Variants in ACOXL observed in about 807,000 individuals in gnomAD.
ACOXL encodes the protein acyl-coenzyme A oxidase-like protein.
ACOXL carries 70 observed loss-of-function variants against 71.9 expected under a neutral mutation model. The observed-to-expected ratio is 0.97, with a 90% CI of 0.80 to 1.19. The LOEUF is 1.19. Ranked by LOEUF, ACOXL falls within the 50% of genes most tolerant of loss-of-function variation. ACOXL has a pLI of 0.00. For missense variants in ACOXL, 703 were observed against 736.3 expected (o/e 0.95, Z 0.52); for synonymous variants, 253 against 281.6 (o/e 0.90, Z 1.02).
intron 12 of ACOXL, among the ~76,000 whole-genome samples, chr2:110,984,651 T>A (rs916015586): frequency 1.3e-5 from 2 of 152,224 alleles, no homozygotes; most frequent in African/African-American, 4.8e-5. Flanking sequence ...AACTTGATTA[T>A]TGTATCATTC....
In ACOXL at chr2:110,853,378, G is replaced by A. The variant is rs551694066; in HGVS notation, c.788+11973G>A. Among the ~76,000 whole-genome samples, 13 of 152,270 alleles carry A rather than the reference G, an allele frequency of 8.5e-5. No homozygotes were observed. In the South Asian group the frequency reaches 1.0e-3, roughly 12 times the overall value. On this transcript the variant is annotated intron_variant, in intron 10 of 17. Transcript: ENST00000439055. ...CTGCCCTCGACTGAGAGCTCCTGAC[G>A]GTAAGCACAGTGTTGATTCCTCTTT...
At chr2:110,858,915 AAT>A (rs754975088) in intron 10 of ACOXL, among the ~76,000 whole-genome samples, 2 of 152,192 alleles carry the variant, frequency 1.3e-5, no homozygotes, top group African/African-American at 4.8e-5. Context: ...TCAGTTTTGA[AAT>A]ATTTAATCCT....
At chr2:110,827,742 G>T (rs1689332909) in intron 9 of ACOXL, among the ~76,000 whole-genome samples, 1 of 152,110 alleles carries the variant, frequency 6.6e-6, no homozygotes, top group African/African-American at 2.4e-5. Flanking sequence ...AAGGAAGGTG[G>T]TTGGGCATGG....
At chr2:110,945,206 CTTG>C (rs1476423695) in intron 12 of ACOXL, among the ~76,000 whole-genome samples, 1 of 152,126 alleles carries the variant, frequency 6.6e-6, no homozygotes, top group Non-Finnish European at 1.5e-5. Context: ...TTGGTTTTTA[CTTG>C]TTAATTGTTT....
intron 10 of ACOXL, among the ~76,000 whole-genome samples, chr2:110,906,290 C>A (rs1314651634): frequency 6.6e-6 from 1 of 152,026 alleles, no homozygotes; most frequent in Non-Finnish European, 1.5e-5. Flanking sequence ...GTAATCCCAG[C>A]ACGTTGGGAG....
At chr2:110,747,406 G>A (rs1678361611) in intron 1 of ACOXL, among the ~76,000 whole-genome samples, 1 of 152,180 alleles carries the variant, frequency 6.6e-6, no homozygotes, top group Non-Finnish European at 1.5e-5. Context: ...AGTCAGGCCT[G>A]GTTATATCCA....
chr2:110,950,807 G>A (rs1378793204), intron 12 of ACOXL, among the ~76,000 whole-genome samples: 1 of 138,114 alleles, frequency 7.2e-6, no homozygotes, highest in East Asian at 2.1e-4. Flanking sequence ...AAGGGTGGGG[G>A]GTGGAGAGAG....
intron 10 of ACOXL, among the ~76,000 whole-genome samples, chr2:110,845,850 G>A (rs1212900035): frequency 2.6e-5 from 4 of 152,132 alleles, no homozygotes; most frequent in Non-Finnish European, 5.9e-5. Flanking sequence ...CACTTGGGTC[G>A]CTTCCACCTC....
intron 11 of ACOXL, among the ~76,000 whole-genome samples, chr2:110,910,303 G>A (rs2059607361): frequency 6.6e-6 from 1 of 152,144 alleles, no homozygotes; most frequent in Non-Finnish European, 1.5e-5. Context: ...CCTCAATGTT[G>A]TGGATAGTTT....
chr2:110,961,778 G>A (rs945002070), intron 12 of ACOXL, among the ~76,000 whole-genome samples: 1 of 152,182 alleles, frequency 6.6e-6, no homozygotes, highest in Non-Finnish European at 1.5e-5. Context: ...CATGGCAGAA[G>A]ATGGAGGAAG....
chr2:111,011,881 TAAAAAAA>T (rs35965746), intron 14 of ACOXL, among the ~76,000 whole-genome samples: 8 of 112,590 alleles, frequency 7.1e-5, no homozygotes, highest in African/African-American at 2.0e-4. Context: ...GAGACTCTGT[TAAAAAAA>T]AAAAAAAAAA....
chr2:110,874,730 A>G (rs573699695), intron 10 of ACOXL, among the ~76,000 whole-genome samples: 1 of 152,112 alleles, frequency 6.6e-6, no homozygotes. Context: ...CTCACGGTGG[A>G]GGCCGTGAGG....
intron 16 of ACOXL, among the ~76,000 whole-genome samples, chr2:111,089,537 T>C (rs2068409552): frequency 6.6e-6 from 1 of 152,060 alleles, no homozygotes. Flanking sequence ...TAACCAAGAG[T>C]CATAAAGAAC....
rs1258173997 is a variant in ACOXL, at chr2:111,027,087, G to A, written c.1282-4540G>A. ...AATTTTTGTGTTTTTTGTAGAGACG[G>A]GGTTTCACCATGTTGCCCAGGCTGG... On this transcript the variant is annotated intron_variant, in intron 14 of 17. Transcript: ENST00000439055. Among the ~76,000 whole-genome samples, 3 of 151,874 alleles carry A rather than the reference G, an allele frequency of 2.0e-5. No homozygotes were observed. In the East Asian group the frequency reaches 5.8e-4, roughly 29 times the overall value.
intron 11 of ACOXL, among the ~76,000 whole-genome samples, chr2:110,920,172 G>C (rs1350718751): frequency 1.3e-5 from 2 of 152,170 alleles, no homozygotes; most frequent in East Asian, 3.8e-4. Flanking sequence ...GTATCATTTT[G>C]TGTTTTCATC....
At chr2:111,051,136 CAAAG>C (rs1160774459) in intron 16 of ACOXL, among the ~76,000 whole-genome samples, 2 of 152,144 alleles carry the variant, frequency 1.3e-5, no homozygotes, top group Admixed American at 6.5e-5. Context: ...CAGGCATCAT[CAAAG>C]AAAGAAGTTT....
At chr2:110,853,761 G>A (rs1692901470) in intron 10 of ACOXL, among the ~76,000 whole-genome samples, 1 of 152,124 alleles carries the variant, frequency 6.6e-6, no homozygotes, top group South Asian at 2.1e-4. Flanking sequence ...CAGGCATGGG[G>A]GAAGGCCCTG....
chr2:110,883,945 A>G (rs1172908898), intron 10 of ACOXL, among the ~76,000 whole-genome samples: 2 of 152,218 alleles, frequency 1.3e-5, no homozygotes, highest in East Asian at 1.9e-4. Context: ...TTAAAGAAAA[A>G]GTAGTTAATT....
At chr2:110,845,927 A>T (rs1323896291) in intron 10 of ACOXL, among the ~76,000 whole-genome samples, 1 of 152,150 alleles carries the variant, frequency 6.6e-6, no homozygotes, top group Non-Finnish European at 1.5e-5. Context: ...CCCTGCTTTC[A>T]ATTCTTTTGG....
Sources: gnomAD v4.1 joint callset for allele counts (sites outside exome capture counted in the v4.1 genomes callset) on GRCh38, gnomAD v4.1.1 for gene constraint, MANE v1.5 for transcripts, NCBI Gene and HGNC (gene_info 2026-07-23, HGNC 2026-07-21) for gene names.